ERC2: variants seen among roughly 807,000 people sequenced by gnomAD.
The protein encoded by ERC2 is ERC protein 2.
ERC2 carries 42 observed loss-of-function variants against 114.8 expected under a neutral mutation model. The ratio of observed to expected loss-of-function variants is 0.37; its 90% confidence interval spans 0.29 to 0.47. The LOEUF (loss-of-function observed/expected upper bound fraction) is 0.47. Ranked by LOEUF, ERC2 falls within the 20% of genes least tolerant of loss-of-function variation. The pLI, the probability that ERC2 is intolerant of heterozygous loss-of-function variation, is 0.99. For synonymous variants in ERC2, 454 were observed against 425.5 expected (o/e 1.07, Z -0.82); for missense variants, 939 against 1,150.7 (o/e 0.82, Z 2.66).
intron 14 of ERC2, among the ~76,000 whole-genome samples, chr3:55,884,584 A>C (rs1416145042): frequency 1.3e-5 from 2 of 152,170 alleles, no homozygotes; most frequent in African/African-American, 2.4e-5. Flanking sequence ...AAGACATTTC[A>C]GTTCAATATA....
At chr3:55,591,528 G>T (rs892871631) in intron 17 of ERC2, among the ~76,000 whole-genome samples, 1 of 151,972 alleles carries the variant, frequency 6.6e-6, no homozygotes, top group Non-Finnish European at 1.5e-5. Context: ...ATTCAAGCAG[G>T]CCAGGAGCTA....
At chr3:55,804,877 T>C (rs917675648) in intron 14 of ERC2, among the ~76,000 whole-genome samples, 1 of 152,096 alleles carries the variant, frequency 6.6e-6, no homozygotes, top group Non-Finnish European at 1.5e-5. Context: ...TTCTTCTGCT[T>C]GCTTCAGGAA....
At chr3:55,546,552 T>C (rs2054765746) in intron 17 of ERC2, among the ~76,000 whole-genome samples, 2 of 152,224 alleles carry the variant, frequency 1.3e-5, no homozygotes. Context: ...TGTTCACTGC[T>C]ACATCTCCAA....
chr3:55,521,316 CT>C (rs1236173913), intron 17 of ERC2, among the ~76,000 whole-genome samples: 2 of 152,218 alleles, frequency 1.3e-5, no homozygotes, highest in Admixed American at 1.3e-4. Flanking sequence ...CAGATCCAGC[CT>C]TTTGAGCAAT....
intron 3 of ERC2, among the ~76,000 whole-genome samples, chr3:56,182,008 ACTCCCAAATT>A (rs1349261271): frequency 6.6e-6 from 1 of 151,990 alleles, no homozygotes; most frequent in East Asian, 1.9e-4. Context: ...CAGCTAAGCA[ACTCCCAAATT>A]CCTGACCTAC....
chr3:56,243,466 A>G (rs777123506), intron 3 of ERC2, among the ~76,000 whole-genome samples: 2 of 152,194 alleles, frequency 1.3e-5, no homozygotes, highest in Non-Finnish European at 2.9e-5. Flanking sequence ...GGGGCAATAG[A>G]AGGATGTACA....
At chr3:55,742,164 TA>T (rs1419288121) in intron 14 of ERC2, among the ~76,000 whole-genome samples, 1 of 151,586 alleles carries the variant, frequency 6.6e-6, no homozygotes, top group Non-Finnish European at 1.5e-5. Context: ...CCTGCCAAGA[TA>T]AATGCCTTCT....
chr3:55,917,302 C>A (rs1576183353), intron 13 of ERC2, among the ~76,000 whole-genome samples: 1 of 152,110 alleles, frequency 6.6e-6, no homozygotes, highest in African/African-American at 2.4e-5. Flanking sequence ...TTCATAGCAA[C>A]ATTCCTTATA....
chr3:55,861,165 T>C (rs1316989914), intron 14 of ERC2, among the ~76,000 whole-genome samples: 1 of 152,226 alleles, frequency 6.6e-6, no homozygotes, highest in African/African-American at 2.4e-5. Flanking sequence ...AAGTTGCTTT[T>C]CCCCCTTTTG....
intron 14 of ERC2, among the ~76,000 whole-genome samples, chr3:55,748,363 G>A (rs1164111431): frequency 6.6e-6 from 1 of 152,162 alleles, no homozygotes; most frequent in Non-Finnish European, 1.5e-5. Flanking sequence ...TTTACTGAGT[G>A]ACCACTGTGT....
At chr3:56,072,642 GA>G (rs1361862174) in intron 7 of ERC2, among the ~76,000 whole-genome samples, 1 of 152,054 alleles carries the variant, frequency 6.6e-6, no homozygotes, top group East Asian at 1.9e-4. Context: ...TCAAATGTAT[GA>G]AAAGATATAT....
At chr3:56,017,362 T>A (rs571216007) in intron 8 of ERC2, among the ~76,000 whole-genome samples, 1 of 152,210 alleles carries the variant, frequency 6.6e-6, no homozygotes, top group African/African-American at 2.4e-5. Context: ...AACATCAGAA[T>A]GAGCTGTTTG....
At chr3:55,929,349 C>A (rs1386736707) in intron 13 of ERC2, among the ~76,000 whole-genome samples, 1 of 152,200 alleles carries the variant, frequency 6.6e-6, no homozygotes, top group African/African-American at 2.4e-5. Context: ...TCTGAGCCAG[C>A]CACACCCCTC....
At chr3:56,084,690 T>C (rs979850078) in intron 6 of ERC2, among the ~76,000 whole-genome samples, 1 of 151,834 alleles carries the variant, frequency 6.6e-6, no homozygotes, top group African/African-American at 2.4e-5. Context: ...ATAATGGACA[T>C]TGGAGACTTA....
At chr3:56,370,037 G>T (rs1053304428) in intron 2 of ERC2, among the ~76,000 whole-genome samples, 28 of 152,096 alleles carry the variant, frequency 1.8e-4, no homozygotes, top group Non-Finnish European at 1.5e-4. Context: ...AATACCTCAT[G>T]CACTTTAGGA....
rs899939133 is a variant in ERC2, at chr3:55,678,089, C to T, written c.*39+5705G>A. Among the ~76,000 whole-genome samples, 3 of 152,124 alleles carry T rather than the reference C, an allele frequency of 2.0e-5. No individual in the cohort carries two copies. The South Asian group carries it at 6.2e-4, about 32-fold the overall frequency. On this transcript the variant is annotated intron_variant, in intron 17 of 17. Transcript: ENST00000288221. ...GAAGATATAAATATACAGACACCTT[C>T]CAGAGGAGTAGAAGAGCAAAATAAA...
chr3:55,739,533 T>A (rs976363659), intron 14 of ERC2, among the ~76,000 whole-genome samples: 2 of 152,226 alleles, frequency 1.3e-5, no homozygotes, highest in African/African-American at 4.8e-5. Flanking sequence ...TTTTTGAATA[T>A]GTTTGTTGGC....
In ERC2 at chr3:55,739,680, C is replaced by A. The variant is rs9682139; in HGVS notation, c.2565-4762G>T. Reference sequence around the variant, plus strand: ...AGTCCTTTGTCAGGTGGGTAGATTGCAAAAATTTTCTCCCATTCTGTAGGT... The same window carrying A: ...AGTCCTTTGTCAGGTGGGTAGATTGAAAAAATTTTCTCCCATTCTGTAGGT... On this transcript the variant is annotated intron_variant, in intron 14 of 17. Coordinates refer to ENST00000288221, the MANE Select transcript of ERC2 (RefSeq NM_015576.3). Among the ~76,000 whole-genome samples, 30 of 152,164 alleles carry A rather than the reference C, an allele frequency of 2.0e-4. 1 individual carries two copies. Among genetic ancestry groups the A allele is most frequent in the East Asian group, 1.9e-3 (10 of 5,178 alleles).
chr3:56,111,006 T>G (rs892085264), intron 6 of ERC2, among the ~76,000 whole-genome samples: 6 of 151,734 alleles, frequency 4.0e-5, no homozygotes, highest in African/African-American at 1.5e-4. Flanking sequence ...TTCAAGGGGG[T>G]GGGGGTAGGG....
Sources: gnomAD v4.1 joint callset for allele counts (sites outside exome capture counted in the v4.1 genomes callset) on GRCh38, gnomAD v4.1.1 for gene constraint, MANE v1.5 for transcripts, NCBI Gene and HGNC (gene_info 2026-07-23, HGNC 2026-07-21) for gene names.